Variants in NENF observed in about 807,000 individuals in gnomAD.
NENF encodes neudesin neurotrophic factor.
A neutral mutation model predicts 14.8 loss-of-function variants in NENF; 6 were observed. That is an observed-to-expected ratio of 0.40 (90% CI 0.22 to 0.80). The LOEUF (loss-of-function observed/expected upper bound fraction) is 0.80. Ranked by LOEUF, NENF falls within the 30% of genes least tolerant of loss-of-function variation. The probability of loss-of-function intolerance (pLI) is 0.34; values close to 1 mark genes in which losing one functional copy is unlikely to be tolerated. For missense variants in NENF, 184 were observed against 212.7 expected (o/e 0.87, Z 0.84); for synonymous variants, 76 against 95.1 (o/e 0.80, Z 1.17).
At chr1:212,440,070 G>T (rs1003184210) in intron 1 of NENF, among the ~76,000 whole-genome samples, 2 of 151,886 alleles carry the variant, frequency 1.3e-5, no homozygotes, top group African/African-American at 4.8e-5. Context: ...TGGCCAACAT[G>T]GTGAAACCCT....
chr1:212,438,502 A>G (rs1202389343), intron 1 of NENF, among the ~76,000 whole-genome samples: 2 of 152,142 alleles, frequency 1.3e-5, no homozygotes, highest in African/African-American at 4.8e-5. Context: ...GTATAGTAAT[A>G]ACTGCCTTAC....
At chr1:212,442,867 G>A (rs71646164) in intron 2 of NENF, among the ~76,000 whole-genome samples, 3 of 152,104 alleles carry the variant, frequency 2.0e-5, no homozygotes, top group South Asian at 2.1e-4. Flanking sequence ...TCAGCCTCCC[G>A]AGTAGCTGGG....
intron 1 of NENF, among the ~76,000 whole-genome samples, chr1:212,435,211 G>A (rs1039352236): frequency 2.6e-5 from 4 of 152,162 alleles, no homozygotes; most frequent in Non-Finnish European, 4.4e-5. Context: ...CACTTTGTTC[G>A]TAAGATACTT....
In NENF at chr1:212,432,983, G is replaced by A; in HGVS notation, c.40G>A (p.Ala14Thr). 1 of 1,098,638 alleles carries A rather than the reference G, an allele frequency of 9.1e-7. No individual in the cohort carries two copies. The allele number at this position is 1,098,638 out of a possible 1,614,324, so 68.1% of individuals were successfully genotyped here. A position where few individuals can be genotyped will look rare whatever the true frequency, so the allele number is the denominator to read the frequency against. The change falls in exon 1 of 4, where the codon GCA becomes ACA. Residue 14 changes from alanine to threonine, a missense_variant. Coordinates refer to ENST00000366988, the MANE Select transcript of NENF (RefSeq NM_013349.5). ...PAPRRRLRPL[A>T]ALALVLALAP... ...GCCGCGGCGGCGGCTGCGGCCGCTG[G>A]CAGCGCTGGCCCTGGTCCTGGCGCT... is the stretch of plus-strand genomic sequence containing the variant.
rs17355091 is a variant in NENF, at chr1:212,444,359, C to G, written c.259C>G (p.Pro87Ala). Residue 87 changes from proline to alanine, a missense_variant, in exon 3 of 4, where the codon CCC (proline) becomes GCC (alanine). Pro to Ala is a conservative substitution (Grantham distance 27, BLOSUM62 -1). Coordinates refer to ENST00000366988, the MANE Select transcript of NENF (RefSeq NM_013349.5). Reference sequence around the variant, plus strand: ...TACAGAGTTTTATGGACGAGGAGCCCCCTACAATGCCTTGACGGGGAAGGA... The same window carrying G: ...TACAGAGTTTTATGGACGAGGAGCCGCCTACAATGCCTTGACGGGGAAGGA... ...SGKEFYGRGA[P>A]YNALTGKDST... The G allele has an allele frequency of 2.5e-6, 4 of 1,604,154 alleles. No homozygotes were observed. Among genetic ancestry groups the G allele is most frequent in the Middle Eastern group, 1.7e-4 (1 of 6,026 alleles).
In NENF at chr1:212,446,174, C is replaced by T. The variant is rs920662611; in HGVS notation, c.*168C>T. 6.0e-6 allele frequency: 4 copies of T among 669,140 alleles called. No homozygotes were observed. Among genetic ancestry groups the T allele is most frequent in the Non-Finnish European group, 1.0e-5 (4 of 401,386 alleles). 41.5% of individuals were successfully genotyped at this position (669,140 alleles called of 1,614,324 possible). A position where few individuals can be genotyped will look rare whatever the true frequency, so the allele number is the denominator to read the frequency against. On this transcript the variant is annotated 3_prime_UTR_variant, in exon 4 of 4. Transcript: ENST00000366988. ...CTCCTGTTGTCCTTGGTCAGGGGTTCTGTCTACCTGGGGACCCCTGTCTGC... is the reference window on the plus strand; with the variant it reads ...CTCCTGTTGTCCTTGGTCAGGGGTTTTGTCTACCTGGGGACCCCTGTCTGC...
chr1:212,445,240 G>A (rs1330551027), intron 3 of NENF, among the ~76,000 whole-genome samples: 1 of 150,476 alleles, frequency 6.6e-6, no homozygotes, highest in Non-Finnish European at 1.5e-5. Flanking sequence ...GGGCAACAGA[G>A]TGAGACTCCA....
intron 1 of NENF, among the ~76,000 whole-genome samples, chr1:212,441,710 C>T (rs988715334): frequency 3.3e-5 from 5 of 151,906 alleles, no homozygotes; most frequent in African/African-American, 1.2e-4. Context: ...CACATGAACC[C>T]GGAAGGTGGA....
At chr1:212,438,617 AT>A (rs757959823) in intron 1 of NENF, among the ~76,000 whole-genome samples, 4,526 of 124,860 alleles carry the variant, frequency 0.036, 94 homozygotes, top group East Asian at 0.12. Flanking sequence ...GTGTGTCTGT[AT>A]TTTTTTTTTT....
intron 1 of NENF, among the ~76,000 whole-genome samples, chr1:212,439,851 C>T (rs1467899763): frequency 6.6e-6 from 1 of 151,768 alleles, no homozygotes; most frequent in Non-Finnish European, 1.5e-5. Context: ...CCGAGCTAGA[C>T]TCCGTCCCCC....
At chr1:212,438,408 A>G (rs1662642453) in intron 1 of NENF, among the ~76,000 whole-genome samples, 1 of 152,232 alleles carries the variant, frequency 6.6e-6, no homozygotes. Flanking sequence ...TATGAGTCTG[A>G]ATCCTGACTT....
At position 212,442,573 on chromosome 1, in the gene NENF, G is replaced by T; in HGVS notation, c.186G>T (p.Gln62His). 1 of 1,613,022 alleles carries T rather than the reference G, an allele frequency of 6.2e-7. No individual in the cohort carries two copies. Among genetic ancestry groups the T allele is most frequent in the Non-Finnish European group, 8.5e-7 (1 of 1,179,060 alleles). The change falls in exon 2 of 4, where the codon CAG (glutamine) becomes CAT (histidine). Residue 62 changes from glutamine (Q) to histidine (H), a missense_variant. Physicochemically the swap from Gln to His is conservative, Grantham distance 24 (BLOSUM62 0). Transcript: ENST00000366988. Reference sequence around the variant, plus strand: ...TCTCCCCTGCTTTCTAGGAAGATCAGCCCATCTACTTGGCAGTGAAGGGAG... The same window carrying T: ...TCTCCCCTGCTTTCTAGGAAGATCATCCCATCTACTTGGCAGTGAAGGGAG... Reference protein sequence around the residue: ...LARYGGEEEDQPIYLAVKGVV... With the variant: ...LARYGGEEEDHPIYLAVKGVV...
Position 212,432,958 on chromosome 1 carries a change from G to C in NENF, c.15G>C (p.Ala5=). 1.0e-6 allele frequency: 1 copy of C among 960,658 alleles called. No individual in the cohort carries two copies. The highest frequency in any genetic ancestry group is 1.3e-6 in the Non-Finnish European group (1 of 780,664). The allele number at this position is 960,658 out of a possible 1,614,324, so 59.5% of individuals were successfully genotyped here. MVGP[A]PRRRLRPLAA... is the part of the protein sequence containing the mutation. ...GCGCGCTCACCATGGTGGGCCCCGC[G>C]CCGCGGCGGCGGCTGCGGCCGCTGG... The change falls in exon 1 of 4, where the codon GCG becomes GCC. Residue 5 remains alanine, a synonymous_variant. Transcript: ENST00000366988.
chr1:212,438,470 A>G (rs2102568131), intron 1 of NENF, among the ~76,000 whole-genome samples: 1 of 152,300 alleles, frequency 6.6e-6, no homozygotes, highest in African/African-American at 2.4e-5. Context: ...TCTAAGCCTC[A>G]GTTTCTTCAC....
chr1:212,445,765 A>G, intron 3 of NENF, 65 bp from the exon 4 acceptor site: 1 of 1,536,824 alleles, frequency 6.5e-7, no homozygotes, highest in Non-Finnish European at 8.9e-7. Context: ...GGATGGAGAA[A>G]GGCCAGTGCC....
intron 1 of NENF, among the ~76,000 whole-genome samples, chr1:212,436,544 G>A (rs1038807856): frequency 6.6e-6 from 1 of 152,020 alleles, no homozygotes; most frequent in Non-Finnish European, 1.5e-5. Context: ...TCCTGACCTC[G>A]TGATCCACCC....
At chr1:212,441,259 C>T (rs918778985) in intron 1 of NENF, among the ~76,000 whole-genome samples, 13 of 152,148 alleles carry the variant, frequency 8.5e-5, no homozygotes, top group African/African-American at 2.4e-4. Flanking sequence ...TTTTCATATA[C>T]TTAGGCCCAG....
chr1:212,444,517 TCGTGTG>T (rs771474905), intron 3 of NENF, 75 bp downstream of exon 3: 3 of 842,450 alleles, frequency 3.6e-6, no homozygotes, highest in South Asian at 3.8e-5. Flanking sequence ...CTTTTTCTTT[TCGTGTG>T]TGTGTGTGTG....
intron 3 of NENF, 71 bp downstream of exon 3, chr1:212,444,513 CTTTTCGTGTGTGTGT>C (rs1662747050): frequency 2.1e-6 from 2 of 949,538 alleles, no homozygotes; most frequent in South Asian, 3.7e-5. Flanking sequence ...TTTTCTTTTT[CTTTTCGTGTGTGTGT>C]GTGTGTGTGT....
Sources: allele counts gnomAD v4.1 joint callset (sites outside exome capture counted in the v4.1 genomes callset), GRCh38; gene constraint gnomAD v4.1.1; transcripts MANE v1.5; gene names NCBI Gene and HGNC (gene_info 2026-07-23, HGNC 2026-07-21).